The following VEZT variants were observed in gnomAD, a reference collection of about 807,000 sequenced individuals.
The protein encoded by VEZT is vezatin, adherens junctions transmembrane protein.
A neutral mutation model predicts 79.9 loss-of-function variants in VEZT; 39 were observed. The observed-to-expected ratio is 0.49, with a 90% CI of 0.38 to 0.64. The LOEUF (loss-of-function observed/expected upper bound fraction) is 0.64, where lower values mean the gene tolerates loss of function less well. Ranked by LOEUF, VEZT falls within the 30% of genes least tolerant of loss-of-function variation. VEZT has a pLI of 0.00. For missense variants in VEZT, 837 were observed against 893.1 expected (o/e 0.94, Z 0.80); for synonymous variants, 325 against 327.6 (o/e 0.99, Z 0.09).
intron 11 of VEZT, among the ~76,000 whole-genome samples, chr12:95,297,383 A>G (rs554995872): frequency 6.6e-6 from 1 of 151,270 alleles, no homozygotes; most frequent in Admixed American, 6.6e-5. Flanking sequence ...ACTTCTGGAA[A>G]GTTCCTCCAG....
intron 6 of VEZT, among the ~76,000 whole-genome samples, chr12:95,273,638 C>T (rs1450057802): frequency 6.6e-6 from 1 of 152,092 alleles, no homozygotes; most frequent in East Asian, 1.9e-4. Context: ...AAAAAAATTT[C>T]AGACTATAGA....
chr12:95,239,182 T>C (rs2060565728), intron 1 of VEZT, among the ~76,000 whole-genome samples: 1 of 152,246 alleles, frequency 6.6e-6, no homozygotes, highest in Non-Finnish European at 1.5e-5. Context: ...TATCTTTTTG[T>C]ATTTTTTAAA....
At chr12:95,274,939 G>A (rs373806904) in intron 7 of VEZT, 50 bp downstream of exon 7, 7 of 1,588,188 alleles carry the variant, frequency 4.4e-6, no homozygotes, top group African/African-American at 1.4e-5. Flanking sequence ...GATGCACTTG[G>A]ATTGTGTCTA....
chr12:95,238,017 C>T (rs1053985360), intron 1 of VEZT, among the ~76,000 whole-genome samples: 2 of 152,086 alleles, frequency 1.3e-5, no homozygotes, highest in Non-Finnish European at 2.9e-5. Flanking sequence ...TGAAGAGAGA[C>T]AAAAATATGA....
chr12:95,227,434 G>C (rs1017764437), intron 1 of VEZT, among the ~76,000 whole-genome samples: 1 of 148,692 alleles, frequency 6.7e-6, no homozygotes, highest in Non-Finnish European at 1.5e-5. Flanking sequence ...TCCACCTCCC[G>C]GGTTCAAGCG....
chr12:95,283,246 T>A, intron 8 of VEZT, among the ~76,000 whole-genome samples: 1 of 152,238 alleles, frequency 6.6e-6, no homozygotes, highest in East Asian at 1.9e-4. Flanking sequence ...CCCACTTTGG[T>A]ATACCTTTAT....
intron 9 of VEZT, among the ~76,000 whole-genome samples, chr12:95,289,812 G>A (rs952216563): frequency 2.0e-5 from 3 of 152,068 alleles, no homozygotes; most frequent in African/African-American, 7.2e-5. Context: ...CAGAAAAGTT[G>A]CAATAGTTGA....
At position 95,288,670 on chromosome 12, in the gene VEZT, C is replaced by T. The variant is rs147465408; in HGVS notation, c.1522+813C>T. On this transcript the variant is annotated intron_variant, in intron 9 of 11. Coordinates refer to ENST00000436874, the MANE Select transcript of VEZT (RefSeq NM_017599.4). ...ATGTCTTAAACAAGCTTGAACAAAT[C>T]CTTAGATAGGAAAAGTATTCACTTT... Among the ~76,000 whole-genome samples the T allele has an allele frequency of 2.9e-3, 438 of 152,202 alleles. 1 individual carries two copies. The highest frequency in any genetic ancestry group is 4.9e-3 in the Non-Finnish European group (336 of 68,004).
chr12:95,239,995 G>GAGGAGAGAGAGAGAA (rs2060724278), intron 1 of VEZT, among the ~76,000 whole-genome samples: 1 of 141,688 alleles, frequency 7.1e-6, no homozygotes, highest in African/African-American at 2.7e-5. Flanking sequence ...GAGAGAGAGA[G>GAGGAGAGAGAGAGAA]GAGACAGAGA....
intron 7 of VEZT, among the ~76,000 whole-genome samples, chr12:95,277,008 A>T (rs2067923888): frequency 6.6e-6 from 1 of 151,592 alleles, no homozygotes; most frequent in Non-Finnish European, 1.5e-5. Context: ...TTTTTTCTAT[A>T]TCCACCCCCG....
chr12:95,270,702 C>T (rs2066419757), intron 6 of VEZT, among the ~76,000 whole-genome samples: 1 of 152,204 alleles, frequency 6.6e-6, no homozygotes, highest in Non-Finnish European at 1.5e-5. Context: ...ATAATAACAT[C>T]ATCTTCCTTA....
chr12:95,282,752 G>A, intron 8 of VEZT, 108 bp downstream of exon 8: 1 of 856,102 alleles, frequency 1.2e-6, no homozygotes, highest in African/African-American at 1.7e-5. Flanking sequence ...AAACAAAACT[G>A]AGGCATGAGC....
At chr12:95,225,761 C>CAAAAAAAA (rs531470163) in intron 1 of VEZT, among the ~76,000 whole-genome samples, 10 of 40,866 alleles carry the variant, frequency 2.4e-4, no homozygotes, top group East Asian at 9.9e-4. Flanking sequence ...TGTTTCATAG[C>CAAAAAAAA]AAAAAAAAAA....
intron 1 of VEZT, among the ~76,000 whole-genome samples, chr12:95,251,440 T>G (rs1250677827): frequency 6.6e-6 from 1 of 152,238 alleles, no homozygotes; most frequent in Non-Finnish European, 1.5e-5. Flanking sequence ...TTGTTCACAG[T>G]GCTGAGCATA....
At chr12:95,251,907 C>G (rs1165009839) in intron 1 of VEZT, 33 bp from the exon 2 acceptor site, 2 of 1,596,874 alleles carry the variant, frequency 1.3e-6, no homozygotes, top group Admixed American at 1.8e-5. Context: ...TAGTAATGAT[C>G]TTGAAATTTG....
At chr12:95,289,702 A>C (rs1043038291) in intron 9 of VEZT, among the ~76,000 whole-genome samples, 4 of 152,224 alleles carry the variant, frequency 2.6e-5, no homozygotes, top group Non-Finnish European at 5.9e-5. Context: ...ACACAGGTTT[A>C]AATTTAAAAA....
rs528660774 is a variant in VEZT, at chr12:95,288,647, G to A, written c.1522+790G>A. On this transcript the variant is annotated intron_variant, in intron 9 of 11. Transcript: ENST00000436874. ...CTAGATTTGTAATAATTTCTTTAAT[G>A]TCTTAAACAAGCTTGAACAAATCCT... Among the ~76,000 whole-genome samples the A allele has an allele frequency of 7.2e-5, 11 of 152,168 alleles. No homozygotes were observed. The South Asian group carries it at 2.3e-3, about 32-fold the overall frequency.
At chr12:95,219,725 G>A (rs75740384) in intron 1 of VEZT, among the ~76,000 whole-genome samples, 7,072 of 152,232 alleles carry the variant, frequency 0.046, 235 homozygotes, top group Middle Eastern at 0.12. Context: ...TACGCAGAAA[G>A]GTTATACCAA....
In VEZT at chr12:95,266,510, C is replaced by G. The variant is rs775409048; in HGVS notation, c.588C>G (p.Thr196=). ...RLWRTAKLQV[T]LKKYSVHLED... Reference sequence around the variant, plus strand: ...GGAGGACAGCCAAACTACAAGTGACCCTAAAAAAATACAGCGTTCATTTGG... The same window carrying G: ...GGAGGACAGCCAAACTACAAGTGACGCTAAAAAAATACAGCGTTCATTTGG... Residue 196 remains threonine (T), a synonymous_variant, in exon 5 of 12, where the codon ACC becomes ACG. Coordinates refer to ENST00000436874, the MANE Select transcript of VEZT (RefSeq NM_017599.4). 1.4e-5 allele frequency: 23 copies of G among 1,613,658 alleles called. No homozygotes were observed. The highest frequency in any genetic ancestry group is 1.9e-5 in the Non-Finnish European group (22 of 1,179,856).
Sources: allele counts gnomAD v4.1 joint callset (sites outside exome capture counted in the v4.1 genomes callset), GRCh38; gene constraint gnomAD v4.1.1; transcripts MANE v1.5; gene names NCBI Gene and HGNC (gene_info 2026-07-23, HGNC 2026-07-21).